ANO4: variants seen among roughly 807,000 people sequenced by gnomAD.
ANO4 encodes anoctamin-4.
In ANO4, 69 loss-of-function variants were observed where a neutral mutation model predicts 141.9. That is an observed-to-expected ratio of 0.49 (90% confidence interval 0.40 to 0.59). The LOEUF (loss-of-function observed/expected upper bound fraction) is 0.59. Ranked by LOEUF, ANO4 falls within the 20% of genes least tolerant of loss-of-function variation. ANO4 has a pLI of 0.00. For synonymous variants in ANO4, 350 were observed against 394.3 expected (o/e 0.89, Z 1.33); for missense variants, 894 against 1,162.2 (o/e 0.77, Z 3.36).
At chr12:100,972,588 A>G (rs2043978451) in intron 6 of ANO4, among the ~76,000 whole-genome samples, 2 of 152,202 alleles carry the variant, frequency 1.3e-5, no homozygotes, top group Admixed American at 1.3e-4. Flanking sequence ...GAATACATAT[A>G]TATATCCACT....
chr12:100,906,973 T>C (rs1307611965), intron 2 of ANO4, among the ~76,000 whole-genome samples: 1 of 152,146 alleles, frequency 6.6e-6, no homozygotes, highest in South Asian at 2.1e-4. Flanking sequence ...GAGAAGAGAT[T>C]GACGACATTC....
At chr12:101,030,132 A>G (rs1593064496) in intron 9 of ANO4, among the ~76,000 whole-genome samples, 1 of 152,122 alleles carries the variant, frequency 6.6e-6, no homozygotes, top group Non-Finnish European at 1.5e-5. Flanking sequence ...AAGTGGACCT[A>G]ATAGACATCT....
intron 1 of ANO4, among the ~76,000 whole-genome samples, chr12:100,730,932 T>C (rs747636574): frequency 1.3e-5 from 2 of 152,220 alleles, no homozygotes; most frequent in African/African-American, 2.4e-5. Context: ...TGCCACCTGC[T>C]TTTGTCAATA....
chr12:100,903,889 T>C (rs2040715580), intron 2 of ANO4, among the ~76,000 whole-genome samples: 2 of 152,234 alleles, frequency 1.3e-5, no homozygotes, highest in Non-Finnish European at 2.9e-5. Flanking sequence ...CCTGGCCAAG[T>C]TGGTTCATCA....
At chr12:100,858,706 G>C (rs1251810529) in intron 1 of ANO4, among the ~76,000 whole-genome samples, 1 of 152,102 alleles carries the variant, frequency 6.6e-6, no homozygotes, top group Non-Finnish European at 1.5e-5. Context: ...TCTTTTTACA[G>C]ATATGAAGTG....
chr12:100,841,832 T>C (rs912069922), intron 1 of ANO4, among the ~76,000 whole-genome samples: 2 of 152,190 alleles, frequency 1.3e-5, no homozygotes, highest in Non-Finnish European at 2.9e-5. Flanking sequence ...TTCTTAACAA[T>C]ACTTAATCTA....
At chr12:101,093,732 G>A (rs913927610) in intron 17 of ANO4, among the ~76,000 whole-genome samples, 1 of 152,072 alleles carries the variant, frequency 6.6e-6, no homozygotes, top group Non-Finnish European at 1.5e-5. Flanking sequence ...GAGTTAAGGA[G>A]GCATCGGGTC....
At chr12:100,933,850 A>G (rs1019095615) in intron 3 of ANO4, among the ~76,000 whole-genome samples, 7 of 152,212 alleles carry the variant, frequency 4.6e-5, no homozygotes, top group Non-Finnish European at 8.8e-5. Context: ...TCTGATGACC[A>G]GTGATGATGA....
intron 17 of ANO4, among the ~76,000 whole-genome samples, chr12:101,092,416 G>A (rs2049813828): frequency 6.6e-6 from 1 of 152,168 alleles, no homozygotes; most frequent in Non-Finnish European, 1.5e-5. Context: ...TGGAAACTTA[G>A]ATTTTCCACT....
At chr12:100,803,064 A>G (rs2034790250) in intron 1 of ANO4, among the ~76,000 whole-genome samples, 1 of 152,202 alleles carries the variant, frequency 6.6e-6, no homozygotes, top group Non-Finnish European at 1.5e-5. Context: ...GAAAAGTACT[A>G]CGGACATCAA....
intron 3 of ANO4, among the ~76,000 whole-genome samples, chr12:100,774,107 T>C (rs948850881): frequency 1.3e-5 from 2 of 152,162 alleles, no homozygotes; most frequent in Non-Finnish European, 2.9e-5. Context: ...AGTCCTCTTA[T>C]GTAAAAATTT....
At chr12:101,100,645 T>TA (rs2050153854) in intron 22 of ANO4, among the ~76,000 whole-genome samples, 2 of 152,198 alleles carry the variant, frequency 1.3e-5, no homozygotes, top group African/African-American at 4.8e-5. Flanking sequence ...ATTGAGTGCT[T>TA]AAAAAGAACC....
intron 1 of ANO4, among the ~76,000 whole-genome samples, chr12:100,725,327 T>C (rs2031060640): frequency 6.6e-6 from 1 of 151,264 alleles, no homozygotes; most frequent in Non-Finnish European, 1.5e-5. Flanking sequence ...TGTGTCTTTG[T>C]CAGGGAAATT....
intron 3 of ANO4, among the ~76,000 whole-genome samples, chr12:100,762,504 C>T (rs1383102724): frequency 1.3e-5 from 2 of 152,134 alleles, no homozygotes; most frequent in African/African-American, 4.8e-5. Context: ...AGCAAGGCTC[C>T]CCTGGCAAGG....
intron 2 of ANO4, among the ~76,000 whole-genome samples, chr12:100,906,148 A>G (rs1023350360): frequency 3.9e-5 from 6 of 152,246 alleles, no homozygotes; most frequent in Non-Finnish European, 5.9e-5. Flanking sequence ...GAGTAAAGAC[A>G]TACAGTTGGT....
chr12:101,044,359 T>C (rs938480566), intron 13 of ANO4, among the ~76,000 whole-genome samples: 7 of 152,252 alleles, frequency 4.6e-5, no homozygotes, highest in African/African-American at 9.6e-5. Context: ...TTATGTGTTA[T>C]TGCATACCTC....
chr12:100,784,979 T>G (rs571936071), intron 3 of ANO4, among the ~76,000 whole-genome samples: 2 of 152,148 alleles, frequency 1.3e-5, no homozygotes, highest in Non-Finnish European at 2.9e-5. Flanking sequence ...TCTCTTTCTC[T>G]TTTTAAACAA....
At chr12:100,959,997 G>A (rs529038818) in intron 5 of ANO4, among the ~76,000 whole-genome samples, 92 of 152,228 alleles carry the variant, frequency 6.0e-4, no homozygotes, top group Non-Finnish European at 1.2e-3. Context: ...TGCGACCAGG[G>A]ACCCAGATAA....
intron 1 of ANO4, among the ~76,000 whole-genome samples, chr12:100,818,032 CTTA>C (rs934391978): frequency 8.6e-5 from 13 of 151,472 alleles, no homozygotes; most frequent in African/African-American, 2.4e-4. Flanking sequence ...CATGATTTCC[CTTA>C]TTATTATTAT....
Sources: gnomAD v4.1 joint callset for allele counts (sites outside exome capture counted in the v4.1 genomes callset) on GRCh38, gnomAD v4.1.1 for gene constraint, MANE v1.5 for transcripts, NCBI Gene and HGNC (gene_info 2026-07-23, HGNC 2026-07-21) for gene names.